The following HNRNPK variants were observed in gnomAD, a reference collection of about 807,000 sequenced individuals.
HNRNPK encodes the protein dC-stretch binding protein.
A neutral mutation model predicts 67.0 loss-of-function variants in HNRNPK; 7 were observed. The observed-to-expected ratio is 0.10, with a 90% CI of 0.06 to 0.20. The LOEUF is 0.20. Ranked by LOEUF, HNRNPK falls within the 10% of genes least tolerant of loss-of-function variation. HNRNPK has a pLI of 1.00. For missense variants in HNRNPK, 264 were observed against 606.5 expected, an observed-to-expected ratio of 0.44 and a Z score of 5.93; for synonymous variants, 213 against 193.7, an observed-to-expected ratio of 1.10 and a Z score of -0.83.
rs776663126 is a variant in HNRNPK, at chr9:83,974,593, TCAAACACCA to T, written c.258-13_258-5del. 6.3e-7 allele frequency: 1 copy of T among 1,594,860 alleles called. No homozygotes were observed. The highest frequency in any genetic ancestry group is 8.6e-7 in the Non-Finnish European group (1 of 1,166,326). ...ATCAGCACTGATACTCAATATGCTGTCAAACACCACAAATACCAGATAGTACAAAAAAGG... is the reference window on the plus strand; with the variant it reads ...ATCAGCACTGATACTCAATATGCTGTCAAATACCAGATAGTACAAAAAAGG... On this transcript the variant is annotated splice_region_variant and splice_polypyrimidine_tract_variant and intron_variant, in intron 6 of 16. Coordinates refer to ENST00000376263, the MANE Select transcript of HNRNPK (RefSeq NM_031263.4).
At chr9:83,979,868 C>G in intron 1 of HNRNPK, among the ~76,000 whole-genome samples, 1 of 152,336 alleles carries the variant, frequency 6.6e-6, no homozygotes, top group East Asian at 1.9e-4. Flanking sequence ...CTTCTCCCCG[C>G]ACCGGCCTCC....
chr9:83,973,427 G>C (rs1410416341), intron 8 of HNRNPK, 28 bp from the exon 9 acceptor site: 2 of 1,332,844 alleles, frequency 1.5e-6, no homozygotes, highest in African/African-American at 1.4e-5. Context: ...TAAAATTTTA[G>C]TCTCAAATCA....
At chr9:83,978,835 C>T (rs2133070162) in intron 1 of HNRNPK, among the ~76,000 whole-genome samples, 1 of 152,310 alleles carries the variant, frequency 6.6e-6, no homozygotes, top group East Asian at 1.9e-4. Flanking sequence ...AATTGCTTTC[C>T]TATTTCTTTC....
intron 16 of HNRNPK, 87 bp downstream of exon 16, chr9:83,970,075 T>C: frequency 8.8e-7 from 1 of 1,133,908 alleles, no homozygotes; most frequent in Non-Finnish European, 1.3e-6. Flanking sequence ...ACACCATGGC[T>C]TCTAAAAGAA....
intron 5 of HNRNPK, chr9:83,975,794 G>A (rs1388046451): frequency 2.0e-5 from 9 of 452,946 alleles, no homozygotes; most frequent in Non-Finnish European, 3.6e-5. Context: ...TACTCTCAAT[G>A]AAACAAGCTT....
At chr9:83,977,660 CT>C in intron 4 of HNRNPK, 28 bp downstream of exon 4, 2 of 1,399,460 alleles carry the variant, frequency 1.4e-6, no homozygotes, top group African/African-American at 1.4e-5. Flanking sequence ...TATGAACCAC[CT>C]TCAAATTTTC....
At chr9:83,973,715 T>G (rs1956954457) in intron 8 of HNRNPK, among the ~76,000 whole-genome samples, 187 bp downstream of exon 8, 1 of 152,216 alleles carries the variant, frequency 6.6e-6, no homozygotes, top group Admixed American at 6.5e-5. Flanking sequence ...TGCAAAGCAC[T>G]TTGCAAATGT....
At chr9:83,974,333 CTG>C (rs1564065365) in intron 7 of HNRNPK, among the ~76,000 whole-genome samples, 182 bp downstream of exon 7, 13 of 144,558 alleles carry the variant, frequency 9.0e-5, no homozygotes, top group Admixed American at 6.2e-4. Context: ...AGTGGCCAGC[CTG>C]TTTTTTTTTT....
Position 83,977,864 on chromosome 9 carries a change from T to G in HNRNPK, c.59-78A>C, listed in dbSNP as rs542000509. The G allele has an allele frequency of 1.4e-4, 127 of 902,802 alleles. No individual in the cohort carries two copies. The African/African-American group carries it at 1.8e-3, about 13-fold the overall frequency. 55.9% of individuals were successfully genotyped at this position (902,802 alleles called of 1,614,324 possible). A position where few individuals can be genotyped will look rare whatever the true frequency, so the allele number is the denominator to read the frequency against. ...CTCCATTCTGTTTCAAGAGACTTGT[T>G]GCTAATCTTAGGCATGTTTTGAAAA... On this transcript the variant is annotated intron_variant, in intron 3 of 16. Coordinates refer to ENST00000376263, the MANE Select transcript of HNRNPK (RefSeq NM_031263.4).
intron 4 of HNRNPK, 68 bp downstream of exon 4, chr9:83,977,621 G>A: frequency 5.5e-6 from 5 of 909,054 alleles, no homozygotes; most frequent in South Asian, 4.4e-5. Flanking sequence ...TTTCTAGAAA[G>A]CCAAACCAGA....
At position 83,971,381 on chromosome 9, in the gene HNRNPK, T is replaced by G. The variant is rs761745532; in HGVS notation, c.1009-25A>C. The G allele has an allele frequency of 5.5e-6, 8 of 1,459,742 alleles. No homozygotes were observed. In the South Asian group the frequency reaches 9.1e-5, roughly 17 times the overall value. 90.4% of individuals were successfully genotyped at this position (1,459,742 alleles called of 1,614,324 possible). On this transcript the variant is annotated intron_variant, in intron 12 of 16. Coordinates refer to ENST00000376263, the MANE Select transcript of HNRNPK (RefSeq NM_031263.4). ...CCTGTTAGAGATAAAAACATTAACA[T>G]GAACCCGCATTGTATTTTGTTATAG...
intron 16 of HNRNPK, chr9:83,969,764 T>A: frequency 1.5e-6 from 1 of 655,968 alleles, no homozygotes; most frequent in South Asian, 1.4e-5. Context: ...AGGCATGGCC[T>A]GTGCCATATG....
intron 4 of HNRNPK, 93 bp from the exon 5 acceptor site, chr9:83,977,144 CTGTT>C: frequency 4.6e-6 from 4 of 873,944 alleles, no homozygotes; most frequent in Non-Finnish European, 5.6e-6. Flanking sequence ...ATCCTCTAAC[CTGTT>C]TGTTATAAGA....
At chr9:83,969,496 A>G (rs1308356822) in intron 16 of HNRNPK, 56 bp from the exon 17 acceptor site, 16 of 1,046,232 alleles carry the variant, frequency 1.5e-5, no homozygotes, top group Non-Finnish European at 2.4e-5. Context: ...TAACATCTTA[A>G]TCAACATCAA....
intron 1 of HNRNPK, among the ~76,000 whole-genome samples, chr9:83,978,880 T>C (rs1564071503): frequency 6.6e-6 from 1 of 152,226 alleles, no homozygotes; most frequent in Non-Finnish European, 1.5e-5. Context: ...GTGACATCTC[T>C]AAAGTTTACA....
At chr9:83,971,003 T>C in intron 13 of HNRNPK, 91 bp from the exon 14 acceptor site, 1 of 1,288,674 alleles carries the variant, frequency 7.8e-7, no homozygotes, top group South Asian at 1.2e-5. Context: ...AATGGAGTCT[T>C]GCTATGTTGC....
At chr9:83,973,443 T>A in intron 8 of HNRNPK, 44 bp from the exon 9 acceptor site, 1 of 1,025,834 alleles carries the variant, frequency 9.7e-7, no homozygotes, top group East Asian at 2.4e-5. Context: ...AATCAACAAT[T>A]CCCCAATACA....
chr9:83,978,331 T>TAAAAAAAAAAAAAA (rs55698797), intron 2 of HNRNPK, 42 bp downstream of exon 2: 1 of 1,162,686 alleles, frequency 8.6e-7, no homozygotes, highest in Non-Finnish European at 1.1e-6. Context: ...AAGCAAGCTG[T>TAAAAAAAAAAAAAA]AAAAAAAAAA....
In HNRNPK at chr9:83,978,256, C is replaced by A; in HGVS notation, c.-4G>T. ...CTTCTGGCTGTTCAGTTTCCATATT[C>A]TTTTATTAAACGGGCACACCAATCT... On this transcript the variant is annotated 5_prime_UTR_variant, in exon 3 of 17. Coordinates refer to ENST00000376263, the MANE Select transcript of HNRNPK (RefSeq NM_031263.4). The A allele has an allele frequency of 6.3e-7, 1 of 1,598,974 alleles. No homozygotes were observed. The highest frequency in any genetic ancestry group is 8.5e-7 in the Non-Finnish European group (1 of 1,172,786).
Sources: allele counts gnomAD v4.1 joint callset (sites outside exome capture counted in the v4.1 genomes callset), GRCh38; gene constraint gnomAD v4.1.1; transcripts MANE v1.5; gene names NCBI Gene and HGNC (gene_info 2026-07-23, HGNC 2026-07-21).